COL5A2: variants seen among roughly 807,000 people sequenced by gnomAD.
COL5A2 encodes the protein collagen type V alpha 2 chain.
A neutral mutation model predicts 208.2 loss-of-function variants in COL5A2; 23 were observed. The ratio of observed to expected loss-of-function variants is 0.11; its 90% CI spans 0.08 to 0.16. The LOEUF (loss-of-function observed/expected upper bound fraction) is 0.16. Among genes scored for constraint, COL5A2 ranks in the 10% least tolerant of loss-of-function variants. The probability of loss-of-function intolerance (pLI) is 1.00; values close to 1 mark genes in which losing one functional copy is unlikely to be tolerated. For synonymous variants in COL5A2, 625 were observed against 628.5 expected, an observed-to-expected ratio of 0.99 and a Z score of 0.08; for missense variants, 1,590 against 1,956.4, an observed-to-expected ratio of 0.81 and a Z score of 3.53.
At chr2:189,369,041 A>G in the COL5A2 span, among the ~76,000 whole-genome samples, 6 of 152,216 alleles carry the variant, frequency 3.9e-5, no homozygotes, top group Non-Finnish European at 8.8e-5. Context: ...GCTTACAAGC[A>G]AATAATAACA....
chr2:189,180,209 C>A (rs1258688520), upstream of COL5A2, among the ~76,000 whole-genome samples: 1 of 152,090 alleles, frequency 6.6e-6, no homozygotes, highest in East Asian at 1.9e-4. Flanking sequence ...CACATTTTAA[C>A]CCTTTCTTTT....
chr2:189,380,096 T>C, the COL5A2 span, among the ~76,000 whole-genome samples: 1 of 151,980 alleles, frequency 6.6e-6, no homozygotes, highest in Non-Finnish European at 1.5e-5. Context: ...ATTACCATTA[T>C]TGTAGTGAAT....
chr2:189,431,755 C>G, the COL5A2 span, among the ~76,000 whole-genome samples: 1 of 152,062 alleles, frequency 6.6e-6, no homozygotes. Context: ...AGAATGGAAC[C>G]AAGTCCGAAA....
intron 1 of COL5A2, among the ~76,000 whole-genome samples, chr2:189,177,489 A>G (rs1200284238): frequency 6.6e-6 from 1 of 152,164 alleles, no homozygotes; most frequent in African/African-American, 2.4e-5. Flanking sequence ...TATTTTCTCT[A>G]TTATGTTTGA....
chr2:189,051,574 C>A, intron 41 of COL5A2, 93 bp from the exon 42 acceptor site: 1 of 1,145,206 alleles, frequency 8.7e-7, no homozygotes, highest in South Asian at 1.8e-5. Context: ...ATGCAGATGT[C>A]CAAGCCTCGC....
At chr2:189,380,387 GAA>G in the COL5A2 span, among the ~76,000 whole-genome samples, 1 of 151,512 alleles carries the variant, frequency 6.6e-6, no homozygotes, top group Admixed American at 6.6e-5. Context: ...AAAGATAATA[GAA>G]AAAGTTATAA....
Position 189,065,642 on chromosome 2 carries a change from A to C in COL5A2, c.1564-585T>G, listed in dbSNP as rs369599642. Among the ~76,000 whole-genome samples, 23 of 152,370 alleles carry C rather than the reference A, an allele frequency of 1.5e-4. No individual in the cohort carries two copies. In the East Asian group the frequency reaches 2.3e-3, roughly 15 times the overall value. On this transcript the variant is annotated intron_variant, in intron 23 of 53. Coordinates refer to ENST00000374866, the MANE Select transcript of COL5A2 (RefSeq NM_000393.5). ...GATGAGAGGCATAGGTACCATCTATAGCAATTAAAATGTCAACAATGACAT... is the reference window on the plus strand; with the variant it reads ...GATGAGAGGCATAGGTACCATCTATCGCAATTAAAATGTCAACAATGACAT...
the COL5A2 span, among the ~76,000 whole-genome samples, chr2:189,427,935 C>G: frequency 4.1e-3 from 625 of 152,290 alleles, 1 homozygote; most frequent in Middle Eastern, 6.8e-3. Flanking sequence ...GGAATGAAAG[C>G]ATTTACCCAA....
the COL5A2 span, among the ~76,000 whole-genome samples, chr2:189,256,849 C>G: frequency 6.6e-6 from 1 of 152,128 alleles, no homozygotes; most frequent in Non-Finnish European, 1.5e-5. Context: ...ACGCTGGTCT[C>G]AAACTCCTGA....
At chr2:189,359,944 T>A in the COL5A2 span, among the ~76,000 whole-genome samples, 1 of 152,126 alleles carries the variant, frequency 6.6e-6, no homozygotes, top group Admixed American at 6.6e-5. Flanking sequence ...TTTATGTGAG[T>A]CTTCTCTCTT....
intron 1 of COL5A2, among the ~76,000 whole-genome samples, chr2:189,126,911 A>G (rs1185119263): frequency 6.6e-6 from 1 of 152,080 alleles, no homozygotes; most frequent in Non-Finnish European, 1.5e-5. Context: ...TTAGGTGCCA[A>G]AACTGAACAA....
chr2:189,199,246 A>G (rs2105854810), intron 1 of COL5A2, among the ~76,000 whole-genome samples: 1 of 152,308 alleles, frequency 6.6e-6, no homozygotes, highest in South Asian at 2.1e-4. Context: ...TTTAGCAAAG[A>G]TTTGTATAAC....
chr2:189,280,552 A>G, the COL5A2 span, among the ~76,000 whole-genome samples: 1 of 152,180 alleles, frequency 6.6e-6, no homozygotes, highest in African/African-American at 2.4e-5. Flanking sequence ...TCATAAAAGA[A>G]CAAAGCAGGA....
chr2:189,440,839 C>T, the COL5A2 span, among the ~76,000 whole-genome samples: 1 of 152,106 alleles, frequency 6.6e-6, no homozygotes, highest in African/African-American at 2.4e-5. Flanking sequence ...TCAGATTAGC[C>T]CGAGCAGCTA....
the COL5A2 span, among the ~76,000 whole-genome samples, chr2:189,264,925 G>A: frequency 1.3e-5 from 2 of 152,092 alleles, no homozygotes; most frequent in African/African-American, 4.8e-5. Context: ...AAGACCTACT[G>A]GAAAATTGAT....
At chr2:189,117,706 A>G (rs772899939) in intron 1 of COL5A2, among the ~76,000 whole-genome samples, 6 of 148,880 alleles carry the variant, frequency 4.0e-5, no homozygotes, top group Non-Finnish European at 6.0e-5. Context: ...TACAACCATA[A>G]CACTCTCAAT....
chr2:189,355,413 C>G, the COL5A2 span, among the ~76,000 whole-genome samples: 1 of 152,112 alleles, frequency 6.6e-6, no homozygotes, highest in Non-Finnish European at 1.5e-5. Flanking sequence ...TTGTGGGAGT[C>G]TAAGTCTCTT....
At chr2:189,084,233 G>A (rs1026850596) in intron 11 of COL5A2, among the ~76,000 whole-genome samples, 196 bp from the exon 12 acceptor site, 1 of 152,190 alleles carries the variant, frequency 6.6e-6, no homozygotes, top group Non-Finnish European at 1.5e-5. Flanking sequence ...ATTCTATCAA[G>A]TTAGTCTGTG....
chr2:189,429,545 G>A, the COL5A2 span, among the ~76,000 whole-genome samples: 26 of 152,242 alleles, frequency 1.7e-4, no homozygotes, highest in African/African-American at 5.8e-4. Context: ...GCAGGTTCAG[G>A]GGTTGCCCTA....
Sources: gnomAD v4.1 joint callset for allele counts (sites outside exome capture counted in the v4.1 genomes callset) on GRCh38, gnomAD v4.1.1 for gene constraint, MANE v1.5 for transcripts, NCBI Gene and HGNC (gene_info 2026-07-23, HGNC 2026-07-21) for gene names.